TMEM132C: variants seen among roughly 807,000 people sequenced by gnomAD.
The protein encoded by TMEM132C is protein phosphatase 1, regulatory subunit 152.
A neutral mutation model predicts 61.4 loss-of-function variants in TMEM132C; 29 were observed. The observed-to-expected ratio is 0.47, with a 90% CI of 0.35 to 0.64. The LOEUF is 0.64. Among genes scored for constraint, TMEM132C ranks in the 30% least tolerant of loss-of-function variants. The pLI is 0.00. For synonymous variants in TMEM132C, 656 were observed against 633.1 expected, an observed-to-expected ratio of 1.04 and a Z score of -0.54; for missense variants, 1,408 against 1,476.9, an observed-to-expected ratio of 0.95 and a Z score of 0.76.
chr12:128,682,170 C>G (rs937146447), intron 5 of TMEM132C, among the ~76,000 whole-genome samples: 2 of 152,116 alleles, frequency 1.3e-5, no homozygotes, highest in African/African-American at 2.4e-5. Context: ...ACTCTTCTGG[C>G]TGGAGGCGGA....
chr12:128,622,923 G>A (rs1441494423), intron 4 of TMEM132C, among the ~76,000 whole-genome samples: 2 of 152,098 alleles, frequency 1.3e-5, no homozygotes, highest in Admixed American at 1.3e-4. Context: ...ATGCTCTAGG[G>A]CAATTGAAAA....
At chr12:128,447,160 A>G (rs7975709) in intron 2 of TMEM132C, among the ~76,000 whole-genome samples, 38,904 of 151,976 alleles carry the variant, frequency 0.26, 6,479 homozygotes, top group African/African-American at 0.48. Flanking sequence ...AGCTGTTGTG[A>G]CCAGTGATCG....
At chr12:128,473,192 C>G (rs1871011767) in intron 2 of TMEM132C, among the ~76,000 whole-genome samples, 1 of 152,290 alleles carries the variant, frequency 6.6e-6, no homozygotes, top group Admixed American at 6.5e-5. Context: ...ATCTTCACTC[C>G]AGCCACTATC....
chr12:128,456,651 G>T (rs189389467), intron 2 of TMEM132C, among the ~76,000 whole-genome samples: 1 of 151,564 alleles, frequency 6.6e-6, no homozygotes, highest in African/African-American at 2.4e-5. Flanking sequence ...CAAGTGATTC[G>T]CCCACATTGG....
chr12:128,373,303 G>A (rs777166599), intron 1 of TMEM132C, among the ~76,000 whole-genome samples: 2 of 152,132 alleles, frequency 1.3e-5, no homozygotes, highest in Non-Finnish European at 2.9e-5. Context: ...GTCAAGGAAG[G>A]AAAAGCTTTC....
chr12:128,515,103 A>C lies in TMEM132C; in HGVS notation c.975-28854A>C, dbSNP rs1261330532. On this transcript the variant is annotated intron_variant, in intron 2 of 8. Coordinates refer to ENST00000435159, the MANE Select transcript of TMEM132C (RefSeq NM_001136103.3). ...ACAAGTTCCTGGTTAAAATCGAATA[A>C]TCTTTCATAGTGGACTTCATCGGTC... Among the ~76,000 whole-genome samples, 5 of 152,196 alleles carry C rather than the reference A, an allele frequency of 3.3e-5. No homozygotes were observed. The East Asian group carries it at 9.6e-4, about 29-fold the overall frequency.
chr12:128,456,160 G>T (rs1413585929), intron 2 of TMEM132C, among the ~76,000 whole-genome samples: 3 of 151,864 alleles, frequency 2.0e-5, no homozygotes, highest in Non-Finnish European at 4.4e-5. Flanking sequence ...ACACCACGTG[G>T]GCTCTTTCAG....
chr12:128,436,756 G>C (rs1444361297), intron 2 of TMEM132C, among the ~76,000 whole-genome samples: 7 of 152,268 alleles, frequency 4.6e-5, no homozygotes, highest in African/African-American at 1.7e-4. Context: ...CAAGGATCTA[G>C]AACTAGAAAT....
At chr12:128,327,551 T>A (rs571588370) in intron 1 of TMEM132C, among the ~76,000 whole-genome samples, 1 of 151,824 alleles carries the variant, frequency 6.6e-6, no homozygotes, top group African/African-American at 2.4e-5. Context: ...CCCGGCTAAT[T>A]TTTTTATATT....
intron 2 of TMEM132C, among the ~76,000 whole-genome samples, chr12:128,466,890 A>C (rs1870754061): frequency 6.6e-6 from 1 of 152,196 alleles, no homozygotes; most frequent in Admixed American, 6.5e-5. Flanking sequence ...ACTTGGCTAC[A>C]TAGGGGAAGA....
intron 4 of TMEM132C, among the ~76,000 whole-genome samples, chr12:128,639,653 A>G (rs149933395): frequency 6.6e-6 from 1 of 152,316 alleles, no homozygotes; most frequent in Non-Finnish European, 1.5e-5. Context: ...CAGCCATAAT[A>G]TGTCAAACAT....
intron 2 of TMEM132C, among the ~76,000 whole-genome samples, chr12:128,462,739 G>A (rs1228377117): frequency 3.9e-5 from 6 of 152,218 alleles, no homozygotes; most frequent in Middle Eastern, 3.4e-3. Context: ...CCATATATGC[G>A]TAAGCCACAA....
At chr12:128,637,453 C>G (rs569031815) in intron 4 of TMEM132C, among the ~76,000 whole-genome samples, 101 of 152,378 alleles carry the variant, frequency 6.6e-4, no homozygotes, top group South Asian at 2.7e-3. Context: ...CTCCTTCCCC[C>G]TCCCTCAGAT....
intron 1 of TMEM132C, among the ~76,000 whole-genome samples, chr12:128,285,474 G>A (rs1031623829): frequency 6.6e-6 from 1 of 152,144 alleles, no homozygotes; most frequent in African/African-American, 2.4e-5. Flanking sequence ...TGCCAGGGAA[G>A]AACATTAGAC....
chr12:128,271,982 T>G (rs1437889079), intron 1 of TMEM132C, among the ~76,000 whole-genome samples: 4 of 152,208 alleles, frequency 2.6e-5, no homozygotes, highest in African/African-American at 7.2e-5. Context: ...AAATGGAACA[T>G]CTGATCGATA....
chr12:128,315,379 C>T (rs557663144), intron 1 of TMEM132C, among the ~76,000 whole-genome samples: 1 of 152,188 alleles, frequency 6.6e-6, no homozygotes, highest in East Asian at 1.9e-4. Flanking sequence ...GTCAGGGCCA[C>T]ACAGTTGGAT....
chr12:128,284,689 A>G (rs968592952), intron 1 of TMEM132C, among the ~76,000 whole-genome samples: 3 of 152,240 alleles, frequency 2.0e-5, no homozygotes, highest in African/African-American at 7.2e-5. Flanking sequence ...TTCTACCTAT[A>G]GCAGTTAAAC....
chr12:128,671,339 T>C (rs181528776), intron 5 of TMEM132C, among the ~76,000 whole-genome samples: 1 of 152,322 alleles, frequency 6.6e-6, no homozygotes, highest in Admixed American at 6.5e-5. Flanking sequence ...CCATCATTAG[T>C]CATGATGCTA....
At chr12:128,621,845 G>A (rs987231139) in intron 4 of TMEM132C, among the ~76,000 whole-genome samples, 1 of 152,190 alleles carries the variant, frequency 6.6e-6, no homozygotes, top group Non-Finnish European at 1.5e-5. Context: ...GCTGGGACTA[G>A]CGTGGGGTGT....
Sources: allele counts gnomAD v4.1 joint callset (sites outside exome capture counted in the v4.1 genomes callset), GRCh38; gene constraint gnomAD v4.1.1; transcripts MANE v1.5; gene names NCBI Gene and HGNC (gene_info 2026-07-23, HGNC 2026-07-21).